Variants in CRIM1 observed in about 807,000 individuals in gnomAD.
The protein encoded by CRIM1 is cysteine-rich motor neuron 1 protein.
In CRIM1, 32 loss-of-function variants were observed where a neutral mutation model predicts 116.4. The observed-to-expected ratio is 0.27, with a 90% confidence interval of 0.21 to 0.37. The LOEUF is 0.37. CRIM1 is among the 10% of genes least tolerant of loss of function. The pLI, the probability that CRIM1 is intolerant of heterozygous loss-of-function variation, is 1.00. For synonymous variants in CRIM1, 590 were observed against 509.2 expected (o/e 1.16, Z -2.13); for missense variants, 1,331 against 1,354.8 (o/e 0.98, Z 0.28).
chr2:36,427,751 T>G (rs1302192156), intron 2 of CRIM1, among the ~76,000 whole-genome samples: 1 of 152,206 alleles, frequency 6.6e-6, no homozygotes, highest in Admixed American at 6.5e-5. Flanking sequence ...TCATGGGCGC[T>G]CTCTCTGTCT....
At chr2:36,524,111 G>A (rs1178744462) in intron 13 of CRIM1, among the ~76,000 whole-genome samples, 2 of 152,160 alleles carry the variant, frequency 1.3e-5, no homozygotes, top group East Asian at 1.9e-4. Flanking sequence ...GAGTGAAAAG[G>A]GGGCTGTTAA....
At chr2:36,541,061 G>C (rs935661505) in intron 14 of CRIM1, among the ~76,000 whole-genome samples, 2 of 152,164 alleles carry the variant, frequency 1.3e-5, no homozygotes, top group Admixed American at 6.5e-5. Flanking sequence ...ACTGCAATCA[G>C]TTGAGCTTTT....
chr2:36,489,988 A>G (rs1325930690), intron 7 of CRIM1, among the ~76,000 whole-genome samples: 2 of 152,172 alleles, frequency 1.3e-5, no homozygotes, highest in Non-Finnish European at 2.9e-5. Context: ...ACGTGCTCCA[A>G]AGCTTACCAG....
chr2:36,490,320 A>G lies in CRIM1; in HGVS notation c.1373-8899A>G, dbSNP rs1680135783. Among the ~76,000 whole-genome samples, 6 of 152,258 alleles carry G rather than the reference A, an allele frequency of 3.9e-5. No individual in the cohort carries two copies. In the South Asian group the frequency reaches 1.2e-3, roughly 32 times the overall value. On this transcript the variant is annotated intron_variant, in intron 7 of 16. Coordinates refer to ENST00000280527, the MANE Select transcript of CRIM1 (RefSeq NM_016441.3). The stretch of plus-strand genomic sequence containing the variant: ...GTTTGAGCATTATTGGAATATTGTG[A>G]GGTAGAAATAATGAGTATTCCCATT...
intron 8 of CRIM1, among the ~76,000 whole-genome samples, chr2:36,509,586 A>G (rs1228005456): frequency 1.3e-5 from 2 of 152,192 alleles, no homozygotes; most frequent in South Asian, 4.1e-4. Context: ...TAAAACATAT[A>G]ATGAAAATTG....
At chr2:36,491,997 A>C (rs1680259032) in intron 7 of CRIM1, among the ~76,000 whole-genome samples, 1 of 151,898 alleles carries the variant, frequency 6.6e-6, no homozygotes, top group African/African-American at 2.4e-5. Context: ...AAGATACCCC[A>C]CTCTATAAAA....
intron 1 of CRIM1, among the ~76,000 whole-genome samples, chr2:36,366,292 G>A (rs1222676660): frequency 3.3e-5 from 5 of 151,968 alleles, no homozygotes; most frequent in Admixed American, 3.3e-4. Context: ...CTCATTTGTA[G>A]CACTTCTATC....
chr2:36,541,220 A>G (rs1666921861), intron 14 of CRIM1, among the ~76,000 whole-genome samples: 1 of 152,166 alleles, frequency 6.6e-6, no homozygotes, highest in African/African-American at 2.4e-5. Context: ...GCCACCTCCC[A>G]GAAATGCTGT....
rs181424883 is a variant in CRIM1 at position 36,479,790 on chromosome 2, T to C, written c.1372+96T>C. The C allele has an allele frequency of 6.5e-4, 797 of 1,225,466 alleles. 19 individuals carry two copies. In the South Asian group the frequency reaches 8.9e-3, roughly 14 times the overall value. The allele number at this position is 1,225,466 out of a possible 1,614,324, so 75.9% of individuals were successfully genotyped here. A position where few individuals can be genotyped will look rare whatever the true frequency, so the allele number is the denominator to read the frequency against. On this transcript the variant is annotated intron_variant, in intron 7 of 16. Transcript: ENST00000280527. ...TCTTGTTTGTTTATTTCCTTGGGCA[T>C]AATGTCTGCTTCACGCTGTTACCAG...
chr2:36,369,956 G>T (rs1347465146), intron 1 of CRIM1, among the ~76,000 whole-genome samples: 2 of 152,206 alleles, frequency 1.3e-5, no homozygotes, highest in Non-Finnish European at 2.9e-5. Context: ...ATTGTATTAT[G>T]GATGTGCTGG....
intron 2 of CRIM1, among the ~76,000 whole-genome samples, chr2:36,405,786 A>C (rs17038831): frequency 0.016 from 2,505 of 152,284 alleles, 41 homozygotes; most frequent in South Asian, 0.088. Flanking sequence ...CTTTGCTTCA[A>C]ATGTTAATAC....
intron 2 of CRIM1, among the ~76,000 whole-genome samples, chr2:36,436,450 T>C (rs1263812803): frequency 6.6e-6 from 1 of 152,222 alleles, no homozygotes; most frequent in Non-Finnish European, 1.5e-5. Context: ...TTGAATCTTA[T>C]GCCTGCTAGT....
At chr2:36,366,419 AT>A (rs1217248927) in intron 1 of CRIM1, among the ~76,000 whole-genome samples, 3 of 152,132 alleles carry the variant, frequency 2.0e-5, no homozygotes. Flanking sequence ...AGAAAAAAAA[AT>A]AAGTGTTAAT....
intron 14 of CRIM1, among the ~76,000 whole-genome samples, chr2:36,542,544 T>TG (rs2125182664): frequency 6.6e-6 from 1 of 152,350 alleles, no homozygotes; most frequent in Admixed American, 6.5e-5. Context: ...ATCCCAGCTC[T>TG]GGGGCCTCTG....
chr2:36,468,347 A>G (rs1678212000), intron 5 of CRIM1, among the ~76,000 whole-genome samples: 1 of 152,240 alleles, frequency 6.6e-6, no homozygotes, highest in African/African-American at 2.4e-5. Flanking sequence ...GTAGATGCAG[A>G]GAGAGCATCC....
At chr2:36,472,098 T>A (rs1678572008) in intron 5 of CRIM1, among the ~76,000 whole-genome samples, 1 of 152,210 alleles carries the variant, frequency 6.6e-6, no homozygotes. Context: ...AAGTTTAATT[T>A]TGCAGACGCA....
At chr2:36,497,433 G>C (rs919479950) in intron 7 of CRIM1, among the ~76,000 whole-genome samples, 2 of 152,174 alleles carry the variant, frequency 1.3e-5, no homozygotes, top group African/African-American at 4.8e-5. Context: ...ATTTGGGGTA[G>C]CTAAGAAAAG....
At chr2:36,422,978 A>C (rs909370399) in intron 2 of CRIM1, among the ~76,000 whole-genome samples, 2 of 152,196 alleles carry the variant, frequency 1.3e-5, no homozygotes, top group African/African-American at 4.8e-5. Flanking sequence ...TTTCTTTCAA[A>C]TGAGCTTTTA....
intron 13 of CRIM1, among the ~76,000 whole-genome samples, chr2:36,524,779 C>T (rs1202214175): frequency 6.6e-6 from 1 of 152,090 alleles, no homozygotes; most frequent in Non-Finnish European, 1.5e-5. Context: ...GAAGAGAAAC[C>T]TGCAAATCGT....
Sources: allele counts gnomAD v4.1 joint callset (sites outside exome capture counted in the v4.1 genomes callset), GRCh38; gene constraint gnomAD v4.1.1; transcripts MANE v1.5; gene names NCBI Gene and HGNC (gene_info 2026-07-23, HGNC 2026-07-21).